Variants in SMYD3 observed in about 807,000 individuals in gnomAD.
SMYD3 encodes SET and MYND domain containing 3.
SMYD3 carries 36 observed loss-of-function variants against 57.7 expected under a neutral mutation model. The ratio of observed to expected loss-of-function variants is 0.62; its 90% CI spans 0.48 to 0.82. The LOEUF is 0.82. SMYD3 is among the 40% of genes least tolerant of loss of function. The pLI is 0.00. For synonymous variants in SMYD3, 211 were observed against 195.0 expected (o/e 1.08, Z -0.68); for missense variants, 515 against 538.8 (o/e 0.96, Z 0.44).
At chr1:245,788,246 T>A (rs981222937) in intron 10 of SMYD3, among the ~76,000 whole-genome samples, 1 of 151,628 alleles carries the variant, frequency 6.6e-6, no homozygotes, top group Non-Finnish European at 1.5e-5. Context: ...GAGTCCAGAT[T>A]AGCACAGGGA....
intron 1 of SMYD3, among the ~76,000 whole-genome samples, chr1:246,406,347 A>C (rs1227215660): frequency 6.6e-6 from 1 of 152,240 alleles, no homozygotes. Context: ...TTAGCTATTA[A>C]CTATTATTAT....
At chr1:246,117,293 T>G (rs1001454375) in intron 5 of SMYD3, among the ~76,000 whole-genome samples, 17 of 152,218 alleles carry the variant, frequency 1.1e-4, no homozygotes, top group Non-Finnish European at 2.1e-4. Context: ...TTCCTTGTAG[T>G]GTATTTACAT....
intron 5 of SMYD3, among the ~76,000 whole-genome samples, chr1:246,227,304 G>A (rs952946953): frequency 3.9e-5 from 6 of 152,120 alleles, no homozygotes; most frequent in African/African-American, 7.2e-5. Flanking sequence ...GCACTGGGGC[G>A]CCCTCAGGAG....
chr1:245,869,885 C>A (rs1572555235), intron 8 of SMYD3, among the ~76,000 whole-genome samples: 2 of 152,298 alleles, frequency 1.3e-5, no homozygotes, highest in East Asian at 3.9e-4. Flanking sequence ...GGACACAGCC[C>A]CTGCTGTACT....
rs1033639875 is a variant in SMYD3 at position 246,355,776 on chromosome 1, C to A, written c.165-682G>T. Among the ~76,000 whole-genome samples, 3 of 152,138 alleles carry A rather than the reference C, an allele frequency of 2.0e-5. No homozygotes were observed. The highest frequency in any genetic ancestry group is 2.9e-5 in the Non-Finnish European group (2 of 68,028). ...ACTGAAAACCACATCCCCATCCCAACAGCAGCCGCAGCAATCCCCAGCCAA... is the reference window on the plus strand; with the variant it reads ...ACTGAAAACCACATCCCCATCCCAAAAGCAGCCGCAGCAATCCCCAGCCAA... On this transcript the variant is annotated intron_variant, in intron 1 of 11. Transcript: ENST00000490107. The surrounding 1 kb of genome is among the most constrained non-coding windows in gnomAD (Gnocchi z 5.0).
chr1:246,149,041 C>T (rs1207830745), intron 5 of SMYD3, among the ~76,000 whole-genome samples: 2 of 152,142 alleles, frequency 1.3e-5, no homozygotes, highest in Non-Finnish European at 2.9e-5. Flanking sequence ...GAGTAGACGC[C>T]TCATTTGAGA....
intron 1 of SMYD3, among the ~76,000 whole-genome samples, chr1:246,413,754 T>G (rs2067014227): frequency 6.6e-6 from 1 of 152,092 alleles, no homozygotes; most frequent in African/African-American, 2.4e-5. Context: ...ACCAAGCAGA[T>G]GCCAGGTGCC....
intron 5 of SMYD3, among the ~76,000 whole-genome samples, chr1:246,199,754 C>A (rs564808854): frequency 2.0e-5 from 3 of 152,318 alleles, no homozygotes; most frequent in East Asian, 1.9e-4. Flanking sequence ...AAAGTAAACA[C>A]GGAGATGCTA....
intron 5 of SMYD3, chr1:246,109,865 A>T (rs7535626): frequency 2.0e-5 from 3 of 152,140 alleles, no homozygotes; most frequent in African/African-American, 2.4e-5. Context: ...ACAAGGAGGA[A>T]GAAGCAGAGA....
intron 5 of SMYD3, among the ~76,000 whole-genome samples, chr1:246,264,021 TAAG>T (rs2064059913): frequency 6.7e-6 from 1 of 149,320 alleles, no homozygotes; most frequent in African/African-American, 2.5e-5. Flanking sequence ...CCATATTGCC[TAAG>T]AAGAGCAGAA....
At chr1:246,483,038 C>A (rs2068131601) in intron 1 of SMYD3, among the ~76,000 whole-genome samples, 4 of 152,188 alleles carry the variant, frequency 2.6e-5, no homozygotes, top group African/African-American at 7.2e-5. Flanking sequence ...TTGCCCCTCT[C>A]TTGAACCTAA....
chr1:245,855,215 T>C (rs9662940), intron 10 of SMYD3, among the ~76,000 whole-genome samples: 86,858 of 152,004 alleles, frequency 0.57, 28,317 homozygotes, highest in Non-Finnish European at 0.76. Context: ...TATATCTCCT[T>C]ATCACTCTCT....
chr1:246,367,589 C>T (rs1423002513), intron 1 of SMYD3, among the ~76,000 whole-genome samples: 1 of 152,062 alleles, frequency 6.6e-6, no homozygotes, highest in South Asian at 2.1e-4. Context: ...TGCACAAACA[C>T]GCCCAGCTAA....
chr1:245,874,427 T>C (rs1324307510), intron 8 of SMYD3, among the ~76,000 whole-genome samples: 1 of 152,194 alleles, frequency 6.6e-6, no homozygotes, highest in African/African-American at 2.4e-5. Context: ...AACAAGTCCC[T>C]GAGACACAAG....
chr1:246,329,219 C>T (rs2065416108), intron 4 of SMYD3, among the ~76,000 whole-genome samples: 2 of 152,170 alleles, frequency 1.3e-5, no homozygotes, highest in Admixed American at 6.5e-5. Context: ...AATGGGATGG[C>T]TGGGTCAAAT....
Position 246,444,212 on chromosome 1 carries a change from C to T in SMYD3, c.164+62842G>A, listed in dbSNP as rs552784642. Among the ~76,000 whole-genome samples, 25 of 151,784 alleles carry T rather than the reference C, an allele frequency of 1.6e-4. No homozygotes were observed. The South Asian group carries it at 1.7e-3, about 10-fold the overall frequency. ...CTTGATCTCCGCTCACTGAAACCTC[C>T]GCCTCCCAGGTTCAAGCAATTTTCT... On this transcript the variant is annotated intron_variant, in intron 1 of 11. Coordinates refer to ENST00000490107, the MANE Select transcript of SMYD3 (RefSeq NM_001167740.2).
chr1:245,978,873 C>T (rs1414863021), intron 5 of SMYD3, among the ~76,000 whole-genome samples: 1 of 152,162 alleles, frequency 6.6e-6, no homozygotes, highest in Non-Finnish European at 1.5e-5. Context: ...GTCCTTTCCA[C>T]CTTATTGATA....
intron 5 of SMYD3, among the ~76,000 whole-genome samples, chr1:245,979,911 C>T (rs543312886): frequency 6.6e-6 from 1 of 152,356 alleles, no homozygotes; most frequent in East Asian, 1.9e-4. Context: ...TCTCCTGGAT[C>T]TCACACATCA....
At chr1:246,409,637 T>C (rs2066928361) in intron 1 of SMYD3, among the ~76,000 whole-genome samples, 1 of 152,284 alleles carries the variant, frequency 6.6e-6, no homozygotes. Context: ...TCTTTTGGCT[T>C]AGGATTGACT....
Sources: allele counts gnomAD v4.1 joint callset (sites outside exome capture counted in the v4.1 genomes callset), GRCh38; gene constraint gnomAD v4.1.1; non-coding constraint Gnocchi (gnomAD v3.1); transcripts MANE v1.5; gene names NCBI Gene and HGNC (gene_info 2026-07-23, HGNC 2026-07-21).